DEUP1: variants seen among roughly 807,000 people sequenced by gnomAD.
The protein encoded by DEUP1 is deuterosome assembly protein 1, also known as coiled-coil domain containing 67.
Under a neutral mutation model 87.4 loss-of-function variants are expected in DEUP1, and 82 were observed. The ratio of observed to expected loss-of-function variants is 0.94; its 90% CI spans 0.78 to 1.13. The LOEUF (loss-of-function observed/expected upper bound fraction) is 1.13. Ranked by LOEUF, DEUP1 falls within the 50% of genes most tolerant of loss-of-function variation. The probability of loss-of-function intolerance (pLI) is 0.00; values close to 1 mark genes in which losing one functional copy is unlikely to be tolerated. For missense variants in DEUP1, 663 were observed against 681.5 expected, an observed-to-expected ratio of 0.97 and a Z score of 0.30; for synonymous variants, 214 against 222.7, an observed-to-expected ratio of 0.96 and a Z score of 0.35.
intron 9 of DEUP1, among the ~76,000 whole-genome samples, chr11:93,394,194 G>T (rs976161534): frequency 6.6e-6 from 1 of 152,102 alleles, no homozygotes; most frequent in Non-Finnish European, 1.5e-5. Flanking sequence ...TCTCAAAGTG[G>T]TTATCAAAGT....
chr11:93,341,129 TGGTGTA>T (rs1341702296), intron 2 of DEUP1, among the ~76,000 whole-genome samples: 1 of 152,044 alleles, frequency 6.6e-6, no homozygotes, highest in Non-Finnish European at 1.5e-5. Flanking sequence ...TATGAAGATA[TGGTGTA>T]GGCTGGGCAT....
intron 7 of DEUP1, among the ~76,000 whole-genome samples, chr11:93,373,083 G>C (rs901619749): frequency 1.3e-5 from 2 of 152,142 alleles, no homozygotes; most frequent in Non-Finnish European, 2.9e-5. Flanking sequence ...AGCTGTCTTT[G>C]TACTGCTGGA....
At chr11:93,383,317 C>T (rs960842612) in intron 7 of DEUP1, among the ~76,000 whole-genome samples, 2 of 152,184 alleles carry the variant, frequency 1.3e-5, no homozygotes, top group African/African-American at 4.8e-5. Context: ...CATGCTACAA[C>T]ATGGATGAAC....
At position 93,408,408 on chromosome 11, in the gene DEUP1, G is replaced by A; in HGVS notation, c.1504G>A (p.Val502Met). 1.3e-6 allele frequency: 2 copies of A among 1,555,458 alleles called. No homozygotes were observed. Among genetic ancestry groups the A allele is most frequent in the Admixed American group, 2.0e-5 (1 of 50,196 alleles). The change falls in exon 12 of 14, where the codon GTG becomes ATG. Residue 502 changes from valine to methionine, a missense_variant. Physicochemically the swap from Val to Met is conservative, Grantham distance 21. Coordinates refer to ENST00000298050, the MANE Select transcript of DEUP1 (RefSeq NM_181645.4). ...GRYAYQSQIKVEQNEERLSHD... is the reference protein window; with the variant it reads ...GRYAYQSQIKMEQNEERLSHD... Reference sequence around the variant, plus strand: ...ATATGCCTATCAAAGCCAAATAAAAGTGGAACAAAATGAAGAGAGGTATGC... The same window carrying A: ...ATATGCCTATCAAAGCCAAATAAAAATGGAACAAAATGAAGAGAGGTATGC...
intron 2 of DEUP1, among the ~76,000 whole-genome samples, chr11:93,345,075 A>T (rs947334056): frequency 2.0e-5 from 3 of 152,062 alleles, no homozygotes; most frequent in Non-Finnish European, 4.4e-5. Flanking sequence ...TGTTCTCATC[A>T]TTCAGCTCCC....
rs78655612 is a variant in DEUP1, at chr11:93,341,864, G to A, written c.29+9576G>A. Among the ~76,000 whole-genome samples, 911 of 152,196 alleles carry A rather than the reference G, an allele frequency of 6.0e-3. 11 individuals carry two copies. The highest frequency in any genetic ancestry group is 0.021 in the African/African-American group (863 of 41,516). On this transcript the variant is annotated intron_variant, in intron 2 of 13. Transcript: ENST00000298050. ...ATCAATGGGCCAAAGTCAAAGTGTT[G>A]GCAGGATTGCCCCCCTCTAGAGGCT...
intron 6 of DEUP1, 114 bp from the exon 7 acceptor site, chr11:93,370,924 T>C: frequency 1.1e-6 from 1 of 935,248 alleles, no homozygotes; most frequent in Non-Finnish European, 1.6e-6. Context: ...ACTTTCATTA[T>C]GTAGTAACAT....
At chr11:93,419,185 TA>T (rs1280219565) in intron 13 of DEUP1, among the ~76,000 whole-genome samples, 681 of 36,110 alleles carry the variant, frequency 0.019, 2 homozygotes, top group African/African-American at 0.07. Flanking sequence ...AGTATAATAA[TA>T]AAAAAAAAAA....
chr11:93,403,762 A>C (rs137913564), intron 11 of DEUP1, among the ~76,000 whole-genome samples: 3 of 151,834 alleles, frequency 2.0e-5, no homozygotes, highest in African/African-American at 7.2e-5. Flanking sequence ...GAAATGAAGA[A>C]AACTTTATCA....
intron 7 of DEUP1, among the ~76,000 whole-genome samples, chr11:93,374,855 G>A (rs1420046381): frequency 6.6e-6 from 1 of 152,024 alleles, no homozygotes; most frequent in African/African-American, 2.4e-5. Flanking sequence ...TGAATTTGAA[G>A]ATTGATTTTG....
intron 7 of DEUP1, among the ~76,000 whole-genome samples, chr11:93,376,330 C>T (rs537377253): frequency 3.4e-4 from 51 of 152,176 alleles, no homozygotes; most frequent in Middle Eastern, 3.4e-3. Context: ...AGGGTTTAAT[C>T]TAGGAGGGTT....
intron 7 of DEUP1, among the ~76,000 whole-genome samples, chr11:93,378,372 T>C (rs74365909): frequency 0.011 from 1,636 of 152,196 alleles, 24 homozygotes; most frequent in African/African-American, 0.037. Flanking sequence ...TGAAGTTCTT[T>C]CTTCTGCTTG....
intron 10 of DEUP1, 103 bp downstream of exon 10, chr11:93,394,759 T>G: frequency 1.3e-6 from 1 of 767,620 alleles, no homozygotes; most frequent in Non-Finnish European, 2.0e-6. Flanking sequence ...TTCTTGGTAT[T>G]ATTTCTGAGA....
Position 93,409,505 on chromosome 11 carries a change from C to T in DEUP1, c.1523+1078C>T, listed in dbSNP as rs1408291646. 3.3e-5 allele frequency among the ~76,000 whole-genome samples: 5 copies of T among 152,158 alleles called. No individual in the cohort carries two copies. The East Asian group carries it at 5.8e-4, about 18-fold the overall frequency. On this transcript the variant is annotated intron_variant, in intron 12 of 13. Transcript: ENST00000298050. ...AGAGCCATTAATATGTTAACTTACA[C>T]TGTGATTGTCCAACAAGGGATATTG...
chr11:93,386,287 A>G (rs1946550740), intron 8 of DEUP1, among the ~76,000 whole-genome samples: 1 of 152,128 alleles, frequency 6.6e-6, no homozygotes. Context: ...AATCAGACAG[A>G]TATTGTATAT....
intron 5 of DEUP1, among the ~76,000 whole-genome samples, chr11:93,367,433 C>A (rs1218044152): frequency 1.3e-5 from 2 of 152,126 alleles, no homozygotes; most frequent in African/African-American, 2.4e-5. Context: ...ACAATAGTAA[C>A]CACTCTGACT....
intron 2 of DEUP1, chr11:93,352,642 A>C: frequency 1.8e-6 from 1 of 560,378 alleles, no homozygotes; most frequent in African/African-American, 1.9e-5. Context: ...AAAGAGGTTT[A>C]ATTGAACTTA....
rs1555068637 is a variant in DEUP1 at position 93,437,748 on chromosome 11, C to CT, written c.*29_*30insT. 1.9e-6 allele frequency: 2 copies of CT among 1,065,112 alleles called. No individual in the cohort carries two copies. The highest frequency in any genetic ancestry group is 1.3e-6 in the Non-Finnish European group (1 of 744,314). The allele number at this position is 1,065,112 out of a possible 1,614,324, so 66.0% of individuals were successfully genotyped here. A position where few individuals can be genotyped will look rare whatever the true frequency, so the allele number is the denominator to read the frequency against. Reference sequence around the variant, plus strand: ...TTTAAACTTTTTTATTTGCTTCCCCCCCCCACCCCCGCCAAGAAAAAAAGC... The same window carrying CT: ...TTTAAACTTTTTTATTTGCTTCCCCCTCCCCACCCCCGCCAAGAAAAAAAGC... On this transcript the variant is annotated 3_prime_UTR_variant, in exon 14 of 14. Transcript: ENST00000298050.
At chr11:93,393,240 C>T (rs1946829024) in intron 9 of DEUP1, among the ~76,000 whole-genome samples, 1 of 151,918 alleles carries the variant, frequency 6.6e-6, no homozygotes, top group African/African-American at 2.4e-5. Context: ...AGACTGAATG[C>T]ACATGCCACC....
Sources: allele counts gnomAD v4.1 joint callset (sites outside exome capture counted in the v4.1 genomes callset), GRCh38; gene constraint gnomAD v4.1.1; transcripts MANE v1.5; gene names NCBI Gene and HGNC (gene_info 2026-07-23, HGNC 2026-07-21).